GJC2: variants seen among roughly 807,000 people sequenced by gnomAD.
GJC2 encodes the protein gap junction protein gamma 2.
For missense variants in GJC2, 647 were observed against 648.9 expected (o/e 1.00, Z 0.03); for synonymous variants, 336 against 307.5 (o/e 1.09, Z -0.97).
Position 228,159,028 on chromosome 1 carries a change from G to A in GJC2, c.1270G>A (p.Glu424Lys), listed in dbSNP as rs1226560267. 1 of 1,609,728 alleles carries A rather than the reference G, an allele frequency of 6.2e-7. No individual in the cohort carries two copies. Among genetic ancestry groups the A allele is most frequent in the South Asian group, 1.1e-5 (1 of 90,860 alleles). The change falls in exon 2 of 2, where the codon GAG becomes AAG. Residue 424 changes from glutamate (E) to lysine (K), a missense_variant. By Grantham distance (56) the Glu-to-Lys change is moderately conservative. Transcript: ENST00000366714. This position sits in a 1 kb window ranked among gnomAD's most constrained non-coding sequence, Gnocchi z 4.0. The part of the protein sequence containing the change: ...RPGAKPRAGS[E>K]KGSASSRDGK... Reference sequence around the variant, plus strand: ...AGGAGCCAAGCCCAGGGCTGGCTCCGAGAAGGGCAGTGCCAGCAGCAGGGA... The same window carrying A: ...AGGAGCCAAGCCCAGGGCTGGCTCCAAGAAGGGCAGTGCCAGCAGCAGGGA...
chr1:228,158,059 C>T lies in GJC2; in HGVS notation c.301C>T (p.Arg101Cys), dbSNP rs747981305. 5 of 1,605,554 alleles carry T rather than the reference C, an allele frequency of 3.1e-6. No individual in the cohort carries two copies. The highest frequency in any genetic ancestry group is 1.1e-5 in the South Asian group (1 of 90,802). Residue 101 changes from arginine to cysteine, a missense_variant, in exon 2 of 2, where the codon CGC (arginine) becomes TGC (cysteine). Coordinates refer to ENST00000366714, the MANE Select transcript of GJC2 (RefSeq NM_020435.4). This position sits in a 1 kb window ranked among gnomAD's most constrained non-coding sequence, Gnocchi z 8.3. ...SVMYLGYAVH[R>C]LARASEQERR... ...CATGTACCTGGGCTACGCCGTGCAC[C>T]GCCTGGCCCGTGCGTCTGAGCAGGA...
chr1:228,158,631 G>T lies in GJC2; in HGVS notation c.873G>T (p.Leu291Phe). 1 of 1,607,474 alleles carries T rather than the reference G, an allele frequency of 6.2e-7. No homozygotes were observed. Among genetic ancestry groups the T allele is most frequent in the Non-Finnish European group, 8.5e-7 (1 of 1,177,720 alleles). ...LNLCEMAHLG[L>F]GSAQDAVRGR... ...TCTGTGAGATGGCCCACCTGGGCTTGGGCAGCGCGCAGGACGCGGTGCGCG... is the reference window on the plus strand; with the variant it reads ...TCTGTGAGATGGCCCACCTGGGCTTTGGCAGCGCGCAGGACGCGGTGCGCG... The change falls in exon 2 of 2, where the codon TTG becomes TTT. Residue 291 changes from leucine to phenylalanine, a missense_variant. Coordinates refer to ENST00000366714, the MANE Select transcript of GJC2 (RefSeq NM_020435.4). The surrounding 1 kb of genome is among the most constrained non-coding windows in gnomAD (Gnocchi z 8.3).
At position 228,159,197 on chromosome 1, in the gene GJC2, G is replaced by C; in HGVS notation, c.*119G>C. 2.5e-6 allele frequency: 3 copies of C among 1,209,430 alleles called. No homozygotes were observed. The South Asian group carries it at 4.2e-5, about 17-fold the overall frequency. 74.9% of individuals were successfully genotyped at this position (1,209,430 alleles called of 1,614,324 possible). ...GGTGGCCTCAGGCAGACTCTGCCCA[G>C]AGGGGCAGCCAGGCTGCTCAGGGAA... is the stretch of plus-strand genomic sequence containing the variant. On this transcript the variant is annotated 3_prime_UTR_variant, in exon 2 of 2. Coordinates refer to ENST00000366714, the MANE Select transcript of GJC2 (RefSeq NM_020435.4). The surrounding 1 kb of genome is among the most constrained non-coding windows in gnomAD (Gnocchi z 4.0).
chr1:228,153,386 C>A (rs1571905306), intron 1 of GJC2, among the ~76,000 whole-genome samples: 4 of 130,890 alleles, frequency 3.1e-5, no homozygotes, highest in African/African-American at 5.7e-5. Flanking sequence ...GAGACCCCAT[C>A]AAAAAAAAAA....
Position 228,150,518 on chromosome 1 carries a change from T to G in GJC2, c.-20+511T>G, listed in dbSNP as rs972814367. Among the ~76,000 whole-genome samples the G allele has an allele frequency of 6.6e-6, 1 of 152,176 alleles. No individual in the cohort carries two copies. The highest frequency in any genetic ancestry group is 1.5e-5 in the Non-Finnish European group (1 of 68,010). On this transcript the variant is annotated intron_variant, in intron 1 of 1. Coordinates refer to ENST00000366714, the MANE Select transcript of GJC2 (RefSeq NM_020435.4). The surrounding 1 kb of genome is among the most constrained non-coding windows in gnomAD (Gnocchi z 4.6). ...AGGCCACAAGCCACTAAGTTTGCAC[T>G]GGGGCCCAGCCTAGGTCTGAAGCCC...
At chr1:228,155,357 A>G (rs1278385795) in intron 1 of GJC2, among the ~76,000 whole-genome samples, 1 of 152,194 alleles carries the variant, frequency 6.6e-6, no homozygotes, top group Non-Finnish European at 1.5e-5. Flanking sequence ...CGCTCTGGTT[A>G]GGAGTCACAG....
rs2034629671 is a variant in GJC2 at position 228,152,467 on chromosome 1, C to G, written c.-20+2460C>G. Among the ~76,000 whole-genome samples, 2 of 152,018 alleles carry G rather than the reference C, an allele frequency of 1.3e-5. No individual in the cohort carries two copies. Among genetic ancestry groups the G allele is most frequent in the African/African-American group, 4.8e-5 (2 of 41,382 alleles). The stretch of plus-strand genomic sequence containing the variant: ...CGGCTCTGACCGGTGTCCTGAGATA[C>G]CAGGACACCAGGACACTGGTCAGAG... On this transcript the variant is annotated intron_variant, in intron 1 of 1. Transcript: ENST00000366714. The surrounding 1 kb of genome is among the most constrained non-coding windows in gnomAD (Gnocchi z 7.3).
Position 228,159,140 on chromosome 1 carries a change from G to T in GJC2, c.*62G>T. On this transcript the variant is annotated 3_prime_UTR_variant, in exon 2 of 2. Transcript: ENST00000366714. The surrounding 1 kb of genome is among the most constrained non-coding windows in gnomAD (Gnocchi z 4.0). ...GGTTGGGGGGCTCCGGTGGAAACCT[G>T]CGACCCCTTCTCCTCAGCCTTCTCC... The T allele has an allele frequency of 6.4e-7, 1 of 1,567,818 alleles. No individual in the cohort carries two copies. The highest frequency in any genetic ancestry group is 8.7e-7 in the Non-Finnish European group (1 of 1,145,026).
Position 228,158,810 on chromosome 1 carries a change from C to G in GJC2, c.1052C>G (p.Ala351Gly). 3 of 1,451,710 alleles carry G rather than the reference C, an allele frequency of 2.1e-6. No individual in the cohort carries two copies. The highest frequency in any genetic ancestry group is 6.3e-5 in the East Asian group (2 of 31,562). The allele number at this position is 1,451,710 out of a possible 1,614,324, so 89.9% of individuals were successfully genotyped here. A position where few individuals can be genotyped will look rare whatever the true frequency, so the allele number is the denominator to read the frequency against. Residue 351 changes from alanine (A) to glycine (G), a missense_variant, in exon 2 of 2, where the codon GCA (alanine) becomes GGA (glycine). Coordinates refer to ENST00000366714, the MANE Select transcript of GJC2 (RefSeq NM_020435.4). The surrounding 1 kb of genome is among the most constrained non-coding windows in gnomAD (Gnocchi z 8.3). ...ERARAHDQNL[A>G]NLALQALRDG... The stretch of plus-strand genomic sequence containing the variant: ...GCTCGGGCGCATGACCAGAACCTGG[C>G]AAACCTGGCCCTGCAGGCGCTGCGC...
intron 1 of GJC2, among the ~76,000 whole-genome samples, chr1:228,155,209 C>T (rs993193032): frequency 2.6e-5 from 4 of 152,150 alleles, no homozygotes; most frequent in African/African-American, 9.7e-5. Context: ...GTGGCGAGGC[C>T]AGGTAGCAAA....
Position 228,154,186 on chromosome 1 carries a change from G to A in GJC2, c.-19-3554G>A, listed in dbSNP as rs180800357. ...TCCCCTACAGCTCCTTTTCTGCCCCGCCATGGATCCCACATGGTGTCAGTC... is the reference window on the plus strand; with the variant it reads ...TCCCCTACAGCTCCTTTTCTGCCCCACCATGGATCCCACATGGTGTCAGTC... On this transcript the variant is annotated intron_variant, in intron 1 of 1. Transcript: ENST00000366714. Among the ~76,000 whole-genome samples the A allele has an allele frequency of 2.4e-4, 36 of 152,182 alleles. 1 individual carries two copies. The highest frequency in any genetic ancestry group is 7.9e-4 in the African/African-American group (33 of 41,524).
rs966355952 is a variant in GJC2, at chr1:228,150,255, T to A, written c.-20+248T>A. On this transcript the variant is annotated intron_variant, in intron 1 of 1. Transcript: ENST00000366714. This position sits in a 1 kb window ranked among gnomAD's most constrained non-coding sequence, Gnocchi z 4.6. Reference sequence around the variant, plus strand: ...AGGCCCAGCTGCCTTCACCGCAGGGTGGGCACCAACCGGTGGGGTCTGCTC... The same window carrying A: ...AGGCCCAGCTGCCTTCACCGCAGGGAGGGCACCAACCGGTGGGGTCTGCTC... Among the ~76,000 whole-genome samples the A allele has an allele frequency of 6.6e-6, 1 of 152,100 alleles. No individual in the cohort carries two copies. The highest frequency in any genetic ancestry group is 1.9e-4 in the East Asian group (1 of 5,176).
Position 228,150,454 on chromosome 1 carries a change from A to G in GJC2, c.-20+447A>G, listed in dbSNP as rs2034602132. On this transcript the variant is annotated intron_variant, in intron 1 of 1. Transcript: ENST00000366714. This position sits in a 1 kb window ranked among gnomAD's most constrained non-coding sequence, Gnocchi z 4.6. The stretch of plus-strand genomic sequence containing the variant: ...GTGAGGGGGCCAGCCTGCCCCTGGT[A>G]TAGACAGACCTGGGGCCCTGCTCAG... Among the ~76,000 whole-genome samples, 1 of 152,092 alleles carries G rather than the reference A, an allele frequency of 6.6e-6. No individual in the cohort carries two copies. The highest frequency in any genetic ancestry group is 2.4e-5 in the African/African-American group (1 of 41,414).
rs2034731464 is a variant in GJC2 at position 228,158,915 on chromosome 1, G to C, written c.1157G>C (p.Arg386Thr). 6.6e-7 allele frequency: 1 copy of C among 1,507,402 alleles called. No homozygotes were observed. The highest frequency in any genetic ancestry group is 1.2e-5 in the South Asian group (1 of 81,192). The allele number at this position is 1,507,402 out of a possible 1,614,324, so 93.4% of individuals were successfully genotyped here. ...GLPAASRGPP[R>T]AGAPASRTGS... ...CCTGCGGCCTCCCGGGGGCCCCCCA[G>C]AGCAGGCGCCCCCGCGTCCCGGACG... The change falls in exon 2 of 2, where the codon AGA (arginine) becomes ACA (threonine). Residue 386 changes from arginine (R) to threonine (T), a missense_variant. Arg to Thr is a moderately conservative substitution (Grantham distance 71). Coordinates refer to ENST00000366714, the MANE Select transcript of GJC2 (RefSeq NM_020435.4). The surrounding 1 kb of genome is among the most constrained non-coding windows in gnomAD (Gnocchi z 8.3).
intron 1 of GJC2, 61 bp from the exon 2 acceptor site, chr1:228,157,679 G>A: frequency 1.0e-6 from 1 of 972,670 alleles, no homozygotes; most frequent in Non-Finnish European, 1.5e-6. Flanking sequence ...TGGAGCCCCG[G>A]CTCTGAGCGC....
chr1:228,157,941 A>G lies in GJC2; in HGVS notation c.183A>G (p.Pro61=). 5.6e-6 allele frequency: 9 copies of G among 1,612,766 alleles called. No homozygotes were observed. Among genetic ancestry groups the G allele is most frequent in the Non-Finnish European group, 7.6e-6 (9 of 1,179,854 alleles). ...QAKFTCNTRQ[P]GCDNVCYDAF... ...AGTTCACTTGCAACACGCGGCAGCCAGGCTGCGACAACGTCTGCTATGACG... is the reference window on the plus strand; with the variant it reads ...AGTTCACTTGCAACACGCGGCAGCCGGGCTGCGACAACGTCTGCTATGACG... Residue 61 remains proline, a synonymous_variant, in exon 2 of 2, where the codon CCA becomes CCG. Transcript: ENST00000366714.
Position 228,158,873 on chromosome 1 carries a change from C to T in GJC2, c.1115C>T (p.Ser372Leu). The T allele has an allele frequency of 6.7e-7, 1 of 1,487,666 alleles. No homozygotes were observed. The highest frequency in any genetic ancestry group is 8.9e-7 in the Non-Finnish European group (1 of 1,126,606). The allele number at this position is 1,487,666 out of a possible 1,614,324, so 92.2% of individuals were successfully genotyped here. ...GCTGGGGACCGCGACCGGGACAGTT[C>T]GCCGTGCGTCGGCCTCCCTGCGGCC... ...AAAGDRDRDS[S>L]PCVGLPAASR... is the part of the protein sequence containing the mutation. Residue 372 changes from serine (S) to leucine (L), a missense_variant, in exon 2 of 2, where the codon TCG (serine) becomes TTG (leucine). By Grantham distance (145) the Ser-to-Leu change is moderately radical. Coordinates refer to ENST00000366714, the MANE Select transcript of GJC2 (RefSeq NM_020435.4). This position sits in a 1 kb window ranked among gnomAD's most constrained non-coding sequence, Gnocchi z 8.3.
chr1:228,158,623 CTG>C lies in GJC2; in HGVS notation c.866_867del (p.Leu289ArgfsTer58). 6.2e-7 allele frequency: 1 copy of C among 1,609,160 alleles called. No homozygotes were observed. The highest frequency in any genetic ancestry group is 8.5e-7 in the Non-Finnish European group (1 of 1,178,280). On this transcript the variant is annotated frameshift_variant, in exon 2 of 2. Transcript: ENST00000366714. LOFTEE classifies it low-confidence loss of function (END_TRUNC). The surrounding 1 kb of genome is among the most constrained non-coding windows in gnomAD (Gnocchi z 8.3). Reference sequence around the variant, plus strand: ...GCTCAACCTCTGTGAGATGGCCCACCTGGGCTTGGGCAGCGCGCAGGACGCGG... The same window carrying C: ...GCTCAACCTCTGTGAGATGGCCCACCGGCTTGGGCAGCGCGCAGGACGCGG... ...LLLNLCEMAHLGLGSAQDAVR... is the reference protein window; with the variant it reads ...LLLNLCEMAHXGLGSAQDAVR...
rs549397886 is a variant in GJC2 at position 228,154,993 on chromosome 1, G to C, written c.-19-2747G>C. ...TTTTTGCATTGAGGCCTTTGCAGGC[G>C]CCAGAGCAAAGGTGTGTGTCTGAAC... On this transcript the variant is annotated intron_variant, in intron 1 of 1. Coordinates refer to ENST00000366714, the MANE Select transcript of GJC2 (RefSeq NM_020435.4). Among the ~76,000 whole-genome samples, 28 of 152,310 alleles carry C rather than the reference G, an allele frequency of 1.8e-4. 1 individual carries two copies. In the East Asian group the frequency reaches 5.2e-3, roughly 28 times the overall value.
Sources: gnomAD v4.1 joint callset for allele counts (sites outside exome capture counted in the v4.1 genomes callset) on GRCh38, gnomAD v4.1.1 for gene constraint, Gnocchi (gnomAD v3.1) non-coding constraint, MANE v1.5 for transcripts, NCBI Gene and HGNC (gene_info 2026-07-23, HGNC 2026-07-21) for gene names.